The following ABTB2 variants were observed in gnomAD, a reference collection of about 807,000 sequenced individuals.
The protein encoded by ABTB2 is ankyrin repeat and BTB/POZ domain-containing protein 2.
In ABTB2, 56 loss-of-function variants were observed where a neutral mutation model predicts 104.1. The ratio of observed to expected loss-of-function variants is 0.54; its 90% CI spans 0.43 to 0.67. The LOEUF is 0.67. Among genes scored for constraint, ABTB2 ranks in the 30% least tolerant of loss-of-function variants. The probability of loss-of-function intolerance (pLI) is 0.00; values close to 1 mark genes in which losing one functional copy is unlikely to be tolerated. For synonymous variants in ABTB2, 606 were observed against 608.2 expected, an observed-to-expected ratio of 1.00 and a Z score of 0.05; for missense variants, 1,279 against 1,407.7, an observed-to-expected ratio of 0.91 and a Z score of 1.46.
chr11:34,156,007 G>C (rs528685506), intron 14 of ABTB2, among the ~76,000 whole-genome samples: 1 of 152,310 alleles, frequency 6.6e-6, no homozygotes, highest in South Asian at 2.1e-4. Context: ...TAGAGCACCA[G>C]GCAGGCAGGT....
intron 1 of ABTB2, among the ~76,000 whole-genome samples, chr11:34,263,768 C>G (rs969047764): frequency 3.9e-5 from 6 of 152,198 alleles, no homozygotes; most frequent in Admixed American, 3.9e-4. Context: ...GGCTGACCTA[C>G]CCCCAGGAGC....
At chr11:34,200,691 C>G (rs1172328404) in intron 2 of ABTB2, among the ~76,000 whole-genome samples, 2 of 152,168 alleles carry the variant, frequency 1.3e-5, no homozygotes, top group Non-Finnish European at 2.9e-5. Context: ...TTCAGCCACC[C>G]TGTGAAGGAG....
chr11:34,329,335 C>G (rs151069732), intron 1 of ABTB2, among the ~76,000 whole-genome samples: 7 of 152,284 alleles, frequency 4.6e-5, no homozygotes, highest in African/African-American at 1.7e-4. Flanking sequence ...TTTTTCCACT[C>G]CACTTCCTTC....
At chr11:34,219,933 G>A (rs1033946922) in intron 1 of ABTB2, among the ~76,000 whole-genome samples, 1 of 152,188 alleles carries the variant, frequency 6.6e-6, no homozygotes, top group African/African-American at 2.4e-5. Context: ...GTCAGCAAGG[G>A]AGGAAAAATA....
chr11:34,160,303 G>A lies in ABTB2; in HGVS notation c.2448C>T (p.Gly816=). Reference sequence around the variant, plus strand: ...CTGGGATGCTGGGGATGGGACTGCTGCCATAGCAGTGGGTGAAGATGGTAG... The same window carrying A: ...CTGGGATGCTGGGGATGGGACTGCTACCATAGCAGTGGGTGAAGATGGTAG... ...QLATIFTHCY[G]SSPIPSIPEI... The change falls in exon 12 of 17, where the codon GGC becomes GGT. Residue 816 remains glycine, a synonymous_variant. Coordinates refer to ENST00000435224, the MANE Select transcript of ABTB2 (RefSeq NM_145804.3). 6 of 1,614,186 alleles carry A rather than the reference G, an allele frequency of 3.7e-6. No homozygotes were observed. The highest frequency in any genetic ancestry group is 5.1e-6 in the Non-Finnish European group (6 of 1,180,022).
intron 5 of ABTB2, among the ~76,000 whole-genome samples, chr11:34,170,354 A>G (rs1408376710): frequency 1.3e-5 from 2 of 152,266 alleles, no homozygotes; most frequent in African/African-American, 4.8e-5. Context: ...CAGCAAAAGT[A>G]AAAAACAAAA....
At chr11:34,272,468 G>A (rs563663573) in intron 1 of ABTB2, among the ~76,000 whole-genome samples, 1 of 151,926 alleles carries the variant, frequency 6.6e-6, no homozygotes, top group Non-Finnish European at 1.5e-5. Context: ...AGCACTTTGG[G>A]AGGCCAAGGC....
rs1855479004 is a variant in ABTB2, at chr11:34,357,245, G to T, written c.339C>A (p.Gly113=). The T allele has an allele frequency of 1.3e-6, 2 of 1,496,854 alleles. No homozygotes were observed. Among genetic ancestry groups the T allele is most frequent in the Non-Finnish European group, 1.8e-6 (2 of 1,129,142 alleles). The allele number at this position is 1,496,854 out of a possible 1,614,324, so 92.7% of individuals were successfully genotyped here. ...DVARVLRKGA[G]GRRLPQFSAE... ...CGGAGAACTGGGGCAGCCGCCGGCCGCCAGCGCCTTTGCGGAGCACCCGGG... is the reference window on the plus strand; with the variant it reads ...CGGAGAACTGGGGCAGCCGCCGGCCTCCAGCGCCTTTGCGGAGCACCCGGG... Residue 113 remains glycine (G), a synonymous_variant, in exon 1 of 17, where the codon GGC becomes GGA. Transcript: ENST00000435224.
chr11:34,342,667 C>T (rs866565677), intron 1 of ABTB2, among the ~76,000 whole-genome samples: 10 of 152,184 alleles, frequency 6.6e-5, no homozygotes, highest in Admixed American at 2.0e-4. Flanking sequence ...GTTTGACCCA[C>T]GGTAGGTCTG....
At chr11:34,155,367 A>T (rs774896568) in intron 14 of ABTB2, among the ~76,000 whole-genome samples, 5 of 152,222 alleles carry the variant, frequency 3.3e-5, no homozygotes, top group Non-Finnish European at 5.9e-5. Context: ...GGAGGCCCGG[A>T]GGCCCGGAGC....
At chr11:34,321,293 G>A (rs1348198012) in intron 1 of ABTB2, among the ~76,000 whole-genome samples, 2 of 152,212 alleles carry the variant, frequency 1.3e-5, no homozygotes, top group Non-Finnish European at 2.9e-5. Flanking sequence ...CTTCTTAAAT[G>A]TTTATAGACA....
chr11:34,208,773 T>C (rs1252951877), intron 1 of ABTB2, among the ~76,000 whole-genome samples: 1 of 151,822 alleles, frequency 6.6e-6, no homozygotes, highest in Admixed American at 6.6e-5. Context: ...CCTTATCAGT[T>C]CTCTCCCTTC....
At chr11:34,258,970 T>C (rs1272254213) in intron 1 of ABTB2, among the ~76,000 whole-genome samples, 1 of 110,438 alleles carries the variant, frequency 9.1e-6, no homozygotes, top group East Asian at 2.5e-4. Flanking sequence ...TATCACTTTA[T>C]ATTTATATAC....
intron 3 of ABTB2, among the ~76,000 whole-genome samples, chr11:34,187,427 A>G (rs1348318273): frequency 6.6e-6 from 1 of 151,656 alleles, no homozygotes; most frequent in Non-Finnish European, 1.5e-5. Context: ...TAAATTTCGT[A>G]GATGTCCAAA....
intron 3 of ABTB2, among the ~76,000 whole-genome samples, chr11:34,188,467 C>G (rs1853130855): frequency 6.6e-6 from 1 of 152,174 alleles, no homozygotes; most frequent in African/African-American, 2.4e-5. Context: ...GGAAAGGAAG[C>G]TCCCTGTGTG....
chr11:34,215,528 A>G (rs1333289465), intron 1 of ABTB2, among the ~76,000 whole-genome samples: 1 of 152,174 alleles, frequency 6.6e-6, no homozygotes, highest in Non-Finnish European at 1.5e-5. Flanking sequence ...TTCGGTTCCA[A>G]TTCCAAAAGG....
chr11:34,162,578 A>C lies in ABTB2; in HGVS notation c.2216T>G (p.Leu739Arg). The change falls in exon 10 of 17, where the codon CTG becomes CGG. Residue 739 changes from leucine to arginine, a missense_variant and splice_region_variant. Coordinates refer to ENST00000435224, the MANE Select transcript of ABTB2 (RefSeq NM_145804.3). ...YVDITMELRA[L>R]GVPWKLHIWI... ...TGTGCATGCCCGTGAGGCCTCACCC[A>C]GTGCCCTCAGCTCCATGGTGATGTC... is the stretch of plus-strand genomic sequence containing the variant. 1 of 1,613,210 alleles carries C rather than the reference A, an allele frequency of 6.2e-7. No individual in the cohort carries two copies. The highest frequency in any genetic ancestry group is 8.5e-7 in the Non-Finnish European group (1 of 1,179,742).
At chr11:34,307,721 C>T (rs1282647617) in intron 1 of ABTB2, among the ~76,000 whole-genome samples, 2 of 147,676 alleles carry the variant, frequency 1.4e-5, no homozygotes, top group African/African-American at 2.5e-5. Flanking sequence ...TTTTTTGAGA[C>T]GGAGTCTCGC....
intron 1 of ABTB2, among the ~76,000 whole-genome samples, chr11:34,353,270 C>A (rs1395853901): frequency 6.6e-6 from 1 of 151,938 alleles, no homozygotes; most frequent in African/African-American, 2.4e-5. Flanking sequence ...TCTAAAATGC[C>A]ACAGACACTC....
Sources: gnomAD v4.1 joint callset for allele counts (sites outside exome capture counted in the v4.1 genomes callset) on GRCh38, gnomAD v4.1.1 for gene constraint, MANE v1.5 for transcripts, NCBI Gene and HGNC (gene_info 2026-07-23, HGNC 2026-07-21) for gene names.